Variants in SIPA1L1 observed in about 807,000 individuals in gnomAD.
The protein encoded by SIPA1L1 is signal induced proliferation associated 1 like 1, also known as signal-induced proliferation-associated 1-like protein 1.
In SIPA1L1, 26 loss-of-function variants were observed where a neutral mutation model predicts 162.7. The ratio of observed to expected loss-of-function variants is 0.16; its 90% CI spans 0.12 to 0.22. SIPA1L1 has a LOEUF of 0.22. Among genes scored for constraint, SIPA1L1 ranks in the 10% least tolerant of loss-of-function variants. The pLI is 1.00. For synonymous variants in SIPA1L1, 829 were observed against 837.4 expected, an observed-to-expected ratio of 0.99 and a Z score of 0.17; for missense variants, 1,874 against 2,241.0, an observed-to-expected ratio of 0.84 and a Z score of 3.31.
At chr14:71,381,334 G>A (rs1401174092) in intron 2 of SIPA1L1, among the ~76,000 whole-genome samples, 1 of 152,106 alleles carries the variant, frequency 6.6e-6, no homozygotes, top group East Asian at 1.9e-4. Context: ...TTACAGGCAT[G>A]AGCCACCATG....
chr14:71,717,663 GTTGTA>G (rs1382426123), intron 17 of SIPA1L1, among the ~76,000 whole-genome samples: 3 of 152,198 alleles, frequency 2.0e-5, no homozygotes, highest in Non-Finnish European at 2.9e-5. Flanking sequence ...CTTCATGGTA[GTTGTA>G]TTGTAATTTA....
In SIPA1L1 at chr14:71,491,761, A is replaced by AACACACACACACACAC. The variant is rs59275638; in HGVS notation, c.-464-20945_-464-20930dup. ...GTTTCAGGCTTAATGTTTTATTTCA[A>AACACACACACACACAC]ACACACACACACACACACACACACA... On this transcript the variant is annotated intron_variant, in intron 2 of 23. Transcript: ENST00000381232. Among the ~76,000 whole-genome samples the AACACACACACACACAC allele has an allele frequency of 6.2e-3, 611 of 97,900 alleles. 3 individuals carry two copies. Among genetic ancestry groups the AACACACACACACACAC allele is most frequent in the East Asian group, 0.017 (39 of 2,328 alleles). 64.2% of individuals were successfully genotyped at this position (97,900 alleles called of 152,430 possible).
intron 10 of SIPA1L1, among the ~76,000 whole-genome samples, chr14:71,661,728 T>A (rs2043534327): frequency 6.6e-6 from 1 of 152,200 alleles, no homozygotes; most frequent in African/African-American, 2.4e-5. Context: ...TACCATCTGG[T>A]CACCAACCAA....
chr14:71,609,358 T>C (rs2037915675), intron 5 of SIPA1L1, among the ~76,000 whole-genome samples: 1 of 152,174 alleles, frequency 6.6e-6, no homozygotes, highest in South Asian at 2.1e-4. Flanking sequence ...CACCTTGATC[T>C]CCTGGGTTCA....
At chr14:71,393,267 T>C (rs143672673) in intron 2 of SIPA1L1, among the ~76,000 whole-genome samples, 1 of 152,248 alleles carries the variant, frequency 6.6e-6, no homozygotes, top group East Asian at 1.9e-4. Flanking sequence ...ACATCTTAGG[T>C]CTAAAAAAGG....
intron 3 of SIPA1L1, among the ~76,000 whole-genome samples, chr14:71,517,538 A>C (rs758610016): frequency 2.0e-5 from 3 of 152,156 alleles, no homozygotes; most frequent in Non-Finnish European, 4.4e-5. Flanking sequence ...AGTGAACATA[A>C]ATTTAAGAGT....
At chr14:71,342,748 C>T (rs2140441853) in intron 2 of SIPA1L1, among the ~76,000 whole-genome samples, 1 of 152,222 alleles carries the variant, frequency 6.6e-6, no homozygotes, top group East Asian at 1.9e-4. Flanking sequence ...GCTCATTTCT[C>T]CAAACCAAAT....
chr14:71,367,411 A>T (rs2038416873), intron 2 of SIPA1L1, among the ~76,000 whole-genome samples: 1 of 145,752 alleles, frequency 6.9e-6, no homozygotes, highest in Non-Finnish European at 1.5e-5. Context: ...GGTTTCTGCC[A>T]TTCTCCTGCC....
chr14:71,583,303 T>C (rs1307418522), intron 4 of SIPA1L1, among the ~76,000 whole-genome samples: 1 of 152,214 alleles, frequency 6.6e-6, no homozygotes, highest in Non-Finnish European at 1.5e-5. Context: ...GAAATTTTCA[T>C]AAATACTTCT....
At chr14:71,531,216 T>C (rs1567159803) in intron 4 of SIPA1L1, among the ~76,000 whole-genome samples, 1 of 152,220 alleles carries the variant, frequency 6.6e-6, no homozygotes, top group Non-Finnish European at 1.5e-5. Context: ...TAAATAGCTC[T>C]ATTCATTCTG....
intron 2 of SIPA1L1, among the ~76,000 whole-genome samples, chr14:71,398,836 A>G (rs971367996): frequency 3.3e-5 from 5 of 152,194 alleles, no homozygotes; most frequent in African/African-American, 1.2e-4. Flanking sequence ...TTCTCTGTGA[A>G]TTAGGTTGTG....
Position 71,321,186 on chromosome 14 carries a change from G to C in SIPA1L1, c.-465+5G>C, listed in dbSNP as rs1459002007. On this transcript the variant is annotated splice_donor_5th_base_variant and intron_variant, in intron 2 of 23. Coordinates refer to ENST00000381232, the MANE Select transcript of SIPA1L1 (RefSeq NM_001386936.1). Reference sequence around the variant, plus strand: ...ACCGGGAGGCCGGGCCGAGCGGTAAGTGGTCCCCGCGCCCGGGTCCTGGGG... The same window carrying C: ...ACCGGGAGGCCGGGCCGAGCGGTAACTGGTCCCCGCGCCCGGGTCCTGGGG... The C allele has an allele frequency of 6.6e-6, 1 of 152,158 alleles. No individual in the cohort carries two copies. Among genetic ancestry groups the C allele is most frequent in the African/African-American group, 2.4e-5 (1 of 41,420 alleles). The allele number at this position is 152,158 out of a possible 1,614,324, so 9.4% of individuals were successfully genotyped here.
At chr14:71,498,968 A>G in intron 2 of SIPA1L1, among the ~76,000 whole-genome samples, 1 of 152,168 alleles carries the variant, frequency 6.6e-6, no homozygotes, top group East Asian at 1.9e-4. Flanking sequence ...ATTTTGGGAA[A>G]ATTAGGATAC....
chr14:71,709,637 G>A lies in SIPA1L1; in HGVS notation c.4181G>A (p.Ser1394Asn), dbSNP rs746555760. The A allele has an allele frequency of 3.1e-6, 5 of 1,613,652 alleles. No individual in the cohort carries two copies. The highest frequency in any genetic ancestry group is 4.5e-5 in the East Asian group (2 of 44,868). Residue 1394 changes from serine to asparagine, a missense_variant, in exon 17 of 24, where the codon AGT becomes AAT. Transcript: ENST00000381232. ...TPLTRENSTF[S>N]INDAASHTST... The stretch of plus-strand genomic sequence containing the variant: ...CTGACAAGGGAGAACAGCACCTTCA[G>A]TATAAACGATGCTGCTTCCCACACA...
intron 2 of SIPA1L1, among the ~76,000 whole-genome samples, chr14:71,496,541 C>A (rs1264382591): frequency 6.6e-6 from 1 of 152,070 alleles, no homozygotes; most frequent in Non-Finnish European, 1.5e-5. Flanking sequence ...AATGGTCTAA[C>A]CTGGACCTTA....
intron 4 of SIPA1L1, among the ~76,000 whole-genome samples, chr14:71,551,841 G>A (rs1053234943): frequency 6.6e-6 from 1 of 152,046 alleles, no homozygotes; most frequent in African/African-American, 2.4e-5. Flanking sequence ...CCTCTGCCTG[G>A]AACATTCATG....
chr14:71,477,998 A>G (rs1312998393), intron 2 of SIPA1L1, among the ~76,000 whole-genome samples: 1 of 152,112 alleles, frequency 6.6e-6, no homozygotes, highest in Non-Finnish European at 1.5e-5. Context: ...TTTCAGATGC[A>G]TGGCATCCTT....
intron 2 of SIPA1L1, among the ~76,000 whole-genome samples, chr14:71,364,304 A>G (rs923903836): frequency 6.6e-6 from 1 of 152,196 alleles, no homozygotes; most frequent in Admixed American, 6.5e-5. Context: ...ATGTAAACAC[A>G]TATGGTTGTA....
intron 5 of SIPA1L1, among the ~76,000 whole-genome samples, chr14:71,609,169 A>T (rs1165217798): frequency 1.3e-5 from 2 of 152,128 alleles, no homozygotes; most frequent in African/African-American, 4.8e-5. Flanking sequence ...GTTATAATAA[A>T]TAATGCTTAC....
Sources: gnomAD v4.1 joint callset for allele counts (sites outside exome capture counted in the v4.1 genomes callset) on GRCh38, gnomAD v4.1.1 for gene constraint, MANE v1.5 for transcripts, NCBI Gene and HGNC (gene_info 2026-07-23, HGNC 2026-07-21) for gene names.